The following NMNAT3 variants were observed in gnomAD, a reference collection of about 807,000 sequenced individuals.
NMNAT3 encodes the protein nicotinamide/nicotinic acid mononucleotide adenylyltransferase 3.
A neutral mutation model predicts 24.8 loss-of-function variants in NMNAT3; 21 were observed. That is an observed-to-expected ratio of 0.85 (90% CI 0.60 to 1.22). The LOEUF is 1.22. Among genes scored for constraint, NMNAT3 ranks in the 50% most tolerant of loss-of-function variants. The pLI, the probability that NMNAT3 is intolerant of heterozygous loss-of-function variation, is 0.00. For missense variants in NMNAT3, 387 were observed against 436.6 expected (o/e 0.89, Z 1.01); for synonymous variants, 136 against 155.2 (o/e 0.88, Z 0.92).
At chr3:139,572,192 T>C in intron 6 of NMNAT3, 1 of 398,548 alleles carries the variant, frequency 2.5e-6, no homozygotes, top group Non-Finnish European at 4.4e-6. Flanking sequence ...TCTGTTCCAG[T>C]GAGGTGCTCA....
intron 3 of NMNAT3, among the ~76,000 whole-genome samples, chr3:139,616,836 G>C (rs1445972500): frequency 6.6e-6 from 1 of 152,046 alleles, no homozygotes; most frequent in Non-Finnish European, 1.5e-5. Context: ...ACAGCTCTAG[G>C]ATTAAAAAGC....
chr3:139,656,427 C>T (rs1005689300), intron 1 of NMNAT3, among the ~76,000 whole-genome samples: 1 of 152,188 alleles, frequency 6.6e-6, no homozygotes, highest in Non-Finnish European at 1.5e-5. Context: ...TGTGTGACTG[C>T]TCAGTCCTGG....
chr3:139,606,591 CCAT>C (rs1299977803), intron 3 of NMNAT3, among the ~76,000 whole-genome samples: 2 of 152,148 alleles, frequency 1.3e-5, no homozygotes, highest in East Asian at 3.8e-4. Context: ...ATCCTGATTC[CCAT>C]CATATTTCAC....
intron 4 of NMNAT3, chr3:139,582,913 T>C (rs1050219134): frequency 7.1e-7 from 1 of 1,414,218 alleles, no homozygotes; most frequent in Admixed American, 2.6e-5. Context: ...AAAAAATATA[T>C]ATATATTTTT....
Position 139,654,470 on chromosome 3 carries a change from C to T in NMNAT3, c.-140-16408G>A, listed in dbSNP as rs932258697. Among the ~76,000 whole-genome samples, 5 of 152,156 alleles carry T rather than the reference C, an allele frequency of 3.3e-5. 1 individual carries two copies. The highest frequency in any genetic ancestry group is 3.8e-4 in the East Asian group (2 of 5,198). ...AATGAAACTGACCTCCTTCAGATGCCGAAAGCATTTGTGTGCCCTTCAGTA... is the reference window on the plus strand; with the variant it reads ...AATGAAACTGACCTCCTTCAGATGCTGAAAGCATTTGTGTGCCCTTCAGTA... On this transcript the variant is annotated intron_variant, in intron 1 of 6. Coordinates refer to ENST00000643695, the MANE Select transcript of NMNAT3 (RefSeq NM_001320510.2).
chr3:139,597,160 T>C lies in NMNAT3; in HGVS notation c.110-13952A>G, dbSNP rs554712339. Among the ~76,000 whole-genome samples the C allele has an allele frequency of 5.3e-5, 8 of 151,954 alleles. No homozygotes were observed. The South Asian group carries it at 1.2e-3, about 24-fold the overall frequency. On this transcript the variant is annotated intron_variant, in intron 3 of 6. Coordinates refer to ENST00000643695, the MANE Select transcript of NMNAT3 (RefSeq NM_001320510.2). ...CTCCTTTCTATAACTATATTTCTTA[T>C]TTTTGACTGATACCATTGGAAAATA...
chr3:139,631,853 A>C (rs1243951128), intron 2 of NMNAT3, among the ~76,000 whole-genome samples: 3 of 152,086 alleles, frequency 2.0e-5, no homozygotes, highest in Non-Finnish European at 4.4e-5. Context: ...CTTGTTACAT[A>C]TTTTATCACC....
intron 4 of NMNAT3, among the ~76,000 whole-genome samples, chr3:139,581,495 G>A (rs563742928): frequency 1.3e-5 from 2 of 151,902 alleles, no homozygotes; most frequent in Admixed American, 6.6e-5. Context: ...TCCATACAAC[G>A]AAATACTACT....
At chr3:139,603,566 G>A (rs1329314025) in intron 3 of NMNAT3, among the ~76,000 whole-genome samples, 4 of 152,028 alleles carry the variant, frequency 2.6e-5, no homozygotes, top group Non-Finnish European at 4.4e-5. Flanking sequence ...CGACCAACAC[G>A]ATGATTCCCA....
chr3:139,569,729 C>T (rs2108029601), intron 6 of NMNAT3: 1 of 152,328 alleles, frequency 6.6e-6, no homozygotes, highest in Non-Finnish European at 1.5e-5. Context: ...GTCTGATGGG[C>T]TTCCCTTTGA....
chr3:139,571,987 T>G, intron 6 of NMNAT3: 1 of 396,308 alleles, frequency 2.5e-6, no homozygotes, highest in East Asian at 3.6e-5. Flanking sequence ...CCCTTGTGCT[T>G]TCCTTAGTCT....
intron 6 of NMNAT3, chr3:139,569,703 G>T (rs570269801): frequency 6.6e-6 from 1 of 152,176 alleles, no homozygotes; most frequent in African/African-American, 2.4e-5. Context: ...AGTTTCTGCC[G>T]AGAGGTCCGC....
At chr3:139,655,683 G>A (rs1333099394) in intron 1 of NMNAT3, among the ~76,000 whole-genome samples, 6 of 152,258 alleles carry the variant, frequency 3.9e-5, no homozygotes, top group Non-Finnish European at 8.8e-5. Flanking sequence ...GAGGGAAGTA[G>A]TAAGCACTGC....
intron 1 of NMNAT3, among the ~76,000 whole-genome samples, chr3:139,648,560 C>T (rs2056947408): frequency 6.6e-6 from 1 of 152,196 alleles, no homozygotes; most frequent in East Asian, 1.9e-4. Context: ...ATTTAAGAAA[C>T]TTTCTATAAA....
chr3:139,587,899 G>A (rs1482759918), intron 3 of NMNAT3, among the ~76,000 whole-genome samples: 2 of 152,148 alleles, frequency 1.3e-5, no homozygotes, highest in African/African-American at 4.8e-5. Flanking sequence ...AGAAAATGGT[G>A]GAAGGACAGG....
chr3:139,596,964 A>ATTTT (rs3028156), intron 3 of NMNAT3, among the ~76,000 whole-genome samples: 151 of 108,536 alleles, frequency 1.4e-3, no homozygotes, highest in Non-Finnish European at 2.5e-3. Flanking sequence ...ATATATATAT[A>ATTTT]TTTTTATTAC....
chr3:139,665,406 G>C (rs76614689), intron 1 of NMNAT3, among the ~76,000 whole-genome samples: 2,303 of 152,232 alleles, frequency 0.015, 22 homozygotes, highest in South Asian at 0.031. Context: ...TGGACACAGA[G>C]GGCCCTGTGC....
chr3:139,614,172 T>C lies in NMNAT3; in HGVS notation c.109+13444A>G, dbSNP rs535248086. 7.2e-5 allele frequency among the ~76,000 whole-genome samples: 11 copies of C among 152,088 alleles called. No homozygotes were observed. The East Asian group carries it at 2.1e-3, about 29-fold the overall frequency. ...AAAAGAGATGCTAGAATAGCAACTG[T>C]AAAGACTGATGAAATTTAAAATATC... On this transcript the variant is annotated intron_variant, in intron 3 of 6. Coordinates refer to ENST00000643695, the MANE Select transcript of NMNAT3 (RefSeq NM_001320510.2).
intron 1 of NMNAT3, among the ~76,000 whole-genome samples, chr3:139,657,002 C>G (rs897433166): frequency 2.0e-5 from 3 of 152,196 alleles, no homozygotes; most frequent in African/African-American, 7.2e-5. Flanking sequence ...TGTAACTACA[C>G]TTTTATCTTT....
Sources: allele counts gnomAD v4.1 joint callset (sites outside exome capture counted in the v4.1 genomes callset), GRCh38; gene constraint gnomAD v4.1.1; transcripts MANE v1.5; gene names NCBI Gene and HGNC (gene_info 2026-07-23, HGNC 2026-07-21).